CSE1L: variants seen among roughly 807,000 people sequenced by gnomAD.
CSE1L encodes the protein chromosome segregation 1 like, also known as exportin-2.
In CSE1L, 24 loss-of-function variants were observed where a neutral mutation model predicts 120.4. That is an observed-to-expected ratio of 0.20 (90% CI 0.14 to 0.28). The LOEUF (loss-of-function observed/expected upper bound fraction) is 0.28, where lower values mean the gene tolerates loss of function less well. Ranked by LOEUF, CSE1L falls within the 10% of genes least tolerant of loss-of-function variation. CSE1L has a pLI of 1.00. For synonymous variants in CSE1L, 402 were observed against 398.3 expected (o/e 1.01, Z -0.11); for missense variants, 830 against 1,145.2 (o/e 0.72, Z 3.97).
chr20:49,076,909 C>T (rs1043564568), intron 12 of CSE1L, 71 bp from the exon 13 acceptor site: 39 of 939,180 alleles, frequency 4.2e-5, no homozygotes, highest in Non-Finnish European at 5.7e-5. Context: ...TCTAAAATTG[C>T]CTGAATTTCT....
At chr20:49,070,799 G>A (rs2091926211) in intron 8 of CSE1L, among the ~76,000 whole-genome samples, 1 of 152,126 alleles carries the variant, frequency 6.6e-6, no homozygotes. Context: ...AGCCAGATGT[G>A]TTGGCTCATG....
intron 16 of CSE1L, among the ~76,000 whole-genome samples, chr20:49,086,197 T>C (rs2092055731): frequency 6.6e-6 from 1 of 152,152 alleles, no homozygotes; most frequent in Non-Finnish European, 1.5e-5. Flanking sequence ...CCCAAAAGCC[T>C]AGCACATTGG....
At position 49,075,471 on chromosome 20, in the gene CSE1L, C is replaced by T. The variant is rs778061824; in HGVS notation, c.1286C>T (p.Ala429Val). The stretch of plus-strand genomic sequence containing the variant: ...TCTGTCAACTGGAAACACAAAGATG[C>T]AGCCATCTACCTAGTGACATCTTTG... Reference protein sequence around the residue: ...NPSVNWKHKDAAIYLVTSLAS... With the variant: ...NPSVNWKHKDVAIYLVTSLAS... The change falls in exon 12 of 25, where the codon GCA becomes GTA. Residue 429 changes from alanine (A) to valine (V), a missense_variant. Around this residue, in one of 4 missense-constraint regions of CSE1L, gnomAD observed 543 missense variants for 640.2 expected, o/e 0.85. Transcript: ENST00000262982. The T allele has an allele frequency of 6.8e-6, 11 of 1,613,962 alleles. No homozygotes were observed. Among genetic ancestry groups the T allele is most frequent in the Non-Finnish European group, 9.3e-6 (11 of 1,180,010 alleles).
intron 13 of CSE1L, among the ~76,000 whole-genome samples, chr20:49,078,041 A>G (rs983792715): frequency 2.6e-5 from 4 of 152,198 alleles, no homozygotes; most frequent in African/African-American, 9.7e-5. Flanking sequence ...ATGTTTATGA[A>G]TGTATTGATC....
Position 49,066,299 on chromosome 20 carries a change from G to C in CSE1L, c.330+6G>C. 1 of 1,614,160 alleles carries C rather than the reference G, an allele frequency of 6.2e-7. No individual in the cohort carries two copies. The highest frequency in any genetic ancestry group is 8.5e-7 in the Non-Finnish European group (1 of 1,180,016). On this transcript the variant is annotated splice_donor_region_variant and intron_variant, in intron 4 of 24. Coordinates refer to ENST00000262982, the MANE Select transcript of CSE1L (RefSeq NM_001316.4). ...CAGAGCAAATTCAGAAGCAGGTAATGTCGCTCCACTTTTTAGATGGGCTCC... is the reference window on the plus strand; with the variant it reads ...CAGAGCAAATTCAGAAGCAGGTAATCTCGCTCCACTTTTTAGATGGGCTCC...
In CSE1L at chr20:49,081,266, G is replaced by A. The variant is rs560363866; in HGVS notation, c.1482+2644G>A. ...CTCCGAAAGTGCTGGGATTATAGGC[G>A]TGAGCTACCACGCCCGGCCCATTTC... On this transcript the variant is annotated intron_variant, in intron 14 of 24. Transcript: ENST00000262982. 1.0e-3 allele frequency among the ~76,000 whole-genome samples: 155 copies of A among 151,918 alleles called. 1 individual carries two copies. Among genetic ancestry groups the A allele is most frequent in the African/African-American group, 5.5e-4 (23 of 41,464 alleles).
rs772680000 is a variant in CSE1L at position 49,068,758 on chromosome 20, C to G, written c.611C>G (p.Ala204Gly). The G allele has an allele frequency of 6.2e-7, 1 of 1,613,994 alleles. No homozygotes were observed. The change falls in exon 7 of 25, where the codon GCC becomes GGC. Residue 204 changes from alanine (A) to glycine (G), a missense_variant. Physicochemically the swap from Ala to Gly is moderately conservative, Grantham distance 60. Around this residue, in one of 4 missense-constraint regions of CSE1L, gnomAD observed 543 missense variants for 640.2 expected, o/e 0.85. Coordinates refer to ENST00000262982, the MANE Select transcript of CSE1L (RefSeq NM_001316.4). ...AGTACCCATGCAAATGATGCCTCTG[C>G]CCTGAGGATTCTGTTTTCTTCCCTG... ...LCSTHANDAS[A>G]LRILFSSLIL...
chr20:49,076,810 C>T (rs1366266457), intron 12 of CSE1L, among the ~76,000 whole-genome samples, 170 bp from the exon 13 acceptor site: 4 of 151,992 alleles, frequency 2.6e-5, no homozygotes, highest in African/African-American at 9.7e-5. Context: ...GGATTACAGC[C>T]GTGAGCTCCT....
intron 12 of CSE1L, among the ~76,000 whole-genome samples, chr20:49,076,056 TC>T (rs2091965993): frequency 6.6e-6 from 1 of 152,216 alleles, no homozygotes; most frequent in African/African-American, 2.4e-5. Flanking sequence ...GGTCTCAAAT[TC>T]CTGACCTCGT....
Position 49,094,275 on chromosome 20 carries a change from T to C in CSE1L, c.2583T>C (p.Tyr861=). ...GTCCCCCAATGATGGACACTGAGTA[T>C]ACCAAACTGTGGTAAGTACTTCATT... The part of the protein sequence containing the change: ...TECPPMMDTE[Y]TKLWTPLLQS... The change falls in exon 23 of 25, where the codon TAT becomes TAC. Residue 861 remains tyrosine, a synonymous_variant. Coordinates refer to ENST00000262982, the MANE Select transcript of CSE1L (RefSeq NM_001316.4). 6 of 1,611,146 alleles carry C rather than the reference T, an allele frequency of 3.7e-6. No individual in the cohort carries two copies. Among genetic ancestry groups the C allele is most frequent in the Non-Finnish European group, 5.1e-6 (6 of 1,179,284 alleles).
intron 10 of CSE1L, among the ~76,000 whole-genome samples, chr20:49,073,497 TG>T (rs1435200022): frequency 1.3e-5 from 2 of 151,898 alleles, no homozygotes; most frequent in East Asian, 3.9e-4. Flanking sequence ...TTGTGTTTTT[TG>T]TTTTGGGGAC....
intron 19 of CSE1L, 35 bp downstream of exon 19, chr20:49,089,781 A>G (rs2092087191): frequency 1.9e-6 from 3 of 1,595,228 alleles, no homozygotes; most frequent in Non-Finnish European, 2.6e-6. Context: ...TAATTTTATA[A>G]AGTAGCTTGG....
chr20:49,066,630 C>A, intron 5 of CSE1L, 120 bp downstream of exon 5: 1 of 902,382 alleles, frequency 1.1e-6, no homozygotes, highest in Non-Finnish European at 1.7e-6. Flanking sequence ...GGAATGAGAG[C>A]AGAAGTTTCT....
intron 16 of CSE1L, among the ~76,000 whole-genome samples, chr20:49,086,611 C>A (rs973565145): frequency 2.0e-5 from 3 of 151,930 alleles, no homozygotes; most frequent in Non-Finnish European, 2.9e-5. Flanking sequence ...GTGATCCACC[C>A]GCCTCAGCCT....
intron 13 of CSE1L, among the ~76,000 whole-genome samples, chr20:49,077,727 C>G (rs781596097): frequency 6.6e-6 from 1 of 151,880 alleles, no homozygotes; most frequent in Non-Finnish European, 1.5e-5. Flanking sequence ...ATCTTTTGGC[C>G]GGGTGCGGTG....
intron 13 of CSE1L, among the ~76,000 whole-genome samples, chr20:49,078,225 A>G (rs770365632): frequency 1.3e-5 from 2 of 152,212 alleles, no homozygotes; most frequent in African/African-American, 2.4e-5. Context: ...ACCCACTAGA[A>G]TAATGTAAAG....
rs1336122899 is a variant in CSE1L at position 49,082,466 on chromosome 20, A to G, written c.1483-1560A>G. Reference sequence around the variant, plus strand: ...GCCTAGGTTTTAAATTTTTGTTTGTATAAATGACATCATACTATGGGTTTC... The same window carrying G: ...GCCTAGGTTTTAAATTTTTGTTTGTGTAAATGACATCATACTATGGGTTTC... On this transcript the variant is annotated intron_variant, in intron 14 of 24. Transcript: ENST00000262982. Among the ~76,000 whole-genome samples the G allele has an allele frequency of 6.6e-5, 10 of 151,650 alleles. 1 individual carries two copies. Among genetic ancestry groups the G allele is most frequent in the Non-Finnish European group, 1.5e-4 (10 of 67,936 alleles).
chr20:49,055,305 A>G (rs1478601239), intron 1 of CSE1L, among the ~76,000 whole-genome samples: 2 of 152,180 alleles, frequency 1.3e-5, no homozygotes, highest in Non-Finnish European at 2.9e-5. Flanking sequence ...GGATTTCATC[A>G]CTTTAGTAAA....
chr20:49,090,426 C>T (rs544201325), intron 19 of CSE1L, among the ~76,000 whole-genome samples: 124 of 152,118 alleles, frequency 8.2e-4, no homozygotes, highest in Middle Eastern at 3.4e-3. Flanking sequence ...TGTGGTGGCA[C>T]GTGCCTGTAA....
Sources: allele counts gnomAD v4.1 joint callset (sites outside exome capture counted in the v4.1 genomes callset), GRCh38; gene constraint gnomAD v4.1.1; regional missense constraint gnomAD v4.1.1; transcripts MANE v1.5; gene names NCBI Gene and HGNC (gene_info 2026-07-23, HGNC 2026-07-21).